Variants in GALNT18 observed in about 807,000 individuals in gnomAD.
GALNT18 encodes the protein polypeptide N-acetylgalactosaminyltransferase 18.
In GALNT18, 44 loss-of-function variants were observed where a neutral mutation model predicts 69.5. The ratio of observed to expected loss-of-function variants is 0.63; its 90% CI spans 0.50 to 0.81. GALNT18 has a LOEUF of 0.81. Ranked by LOEUF, GALNT18 falls within the 40% of genes least tolerant of loss-of-function variation. GALNT18 has a pLI of 0.00. For synonymous variants in GALNT18, 364 were observed against 318.2 expected (o/e 1.14, Z -1.53); for missense variants, 715 against 810.0 (o/e 0.88, Z 1.42).
At chr11:11,593,008 C>G (rs943752026) in intron 1 of GALNT18, among the ~76,000 whole-genome samples, 3 of 152,138 alleles carry the variant, frequency 2.0e-5, no homozygotes, top group Non-Finnish European at 4.4e-5. Flanking sequence ...CTGCGCCTCT[C>G]GGGTTCACGC....
At chr11:11,578,393 C>T (rs1046469789) in intron 1 of GALNT18, among the ~76,000 whole-genome samples, 1 of 150,326 alleles carries the variant, frequency 6.7e-6, no homozygotes, top group Non-Finnish European at 1.5e-5. Context: ...TTTAACTGGT[C>T]CCCAAAACAC....
At chr11:11,575,922 T>C (rs1368199645) in intron 1 of GALNT18, among the ~76,000 whole-genome samples, 3 of 152,128 alleles carry the variant, frequency 2.0e-5, no homozygotes, top group East Asian at 1.9e-4. Context: ...AATAACCATA[T>C]ATATGGAAGA....
chr11:11,297,748 G>C (rs551472446), intron 9 of GALNT18, among the ~76,000 whole-genome samples: 1 of 152,118 alleles, frequency 6.6e-6, no homozygotes, highest in South Asian at 2.1e-4. Context: ...ACAAACCCCC[G>C]GGGCAGAGAA....
At chr11:11,271,413 A>G in intron 10 of GALNT18, 123 bp from the exon 11 acceptor site, 1 of 983,322 alleles carries the variant, frequency 1.0e-6, no homozygotes, top group Non-Finnish European at 1.5e-6. Flanking sequence ...CCAGGAGGTC[A>G]GCATTCCCAT....
intron 1 of GALNT18, among the ~76,000 whole-genome samples, chr11:11,575,846 A>C (rs1329868423): frequency 6.6e-6 from 1 of 152,214 alleles, no homozygotes; most frequent in Non-Finnish European, 1.5e-5. Context: ...TTCTAGACAA[A>C]ACAAATTATC....
In GALNT18 at chr11:11,592,666, A is replaced by G. The variant is rs1221024479; in HGVS notation, c.235+28693T>C. Among the ~76,000 whole-genome samples, 2 of 152,152 alleles carry G rather than the reference A, an allele frequency of 1.3e-5. No individual in the cohort carries two copies. Among genetic ancestry groups the G allele is most frequent in the African/African-American group, 4.8e-5 (2 of 41,442 alleles). On this transcript the variant is annotated intron_variant, in intron 1 of 10. Transcript: ENST00000227756. This position sits in a 1 kb window ranked among gnomAD's most constrained non-coding sequence, Gnocchi z 5.9. ...CAGTGGGAACATCCTTCATGTAAAAATCCCACCACTCCCCAAAGCACATTT... is the reference window on the plus strand; with the variant it reads ...CAGTGGGAACATCCTTCATGTAAAAGTCCCACCACTCCCCAAAGCACATTT...
chr11:11,517,568 C>A (rs941837407), intron 1 of GALNT18, among the ~76,000 whole-genome samples: 1 of 152,204 alleles, frequency 6.6e-6, no homozygotes, highest in African/African-American at 2.4e-5. Flanking sequence ...GAGACCCTCA[C>A]ATTTAGCCCT....
In GALNT18 at chr11:11,415,330, G is replaced by A. The variant is rs1020432155; in HGVS notation, c.595+17291C>T. ...AATATACACCACTTCCCAGGAATCA[G>A]GGCTGGGAAGGGTGGGGGATGACTT... On this transcript the variant is annotated intron_variant, in intron 3 of 10. Coordinates refer to ENST00000227756, the MANE Select transcript of GALNT18 (RefSeq NM_198516.3). This position sits in a 1 kb window ranked among gnomAD's most constrained non-coding sequence, Gnocchi z 4.1. Among the ~76,000 whole-genome samples, 3 of 152,118 alleles carry A rather than the reference G, an allele frequency of 2.0e-5. No homozygotes were observed. The highest frequency in any genetic ancestry group is 4.4e-5 in the Non-Finnish European group (3 of 68,026).
intron 9 of GALNT18, among the ~76,000 whole-genome samples, chr11:11,300,405 G>A (rs1278405143): frequency 6.6e-6 from 1 of 152,196 alleles, no homozygotes; most frequent in Non-Finnish European, 1.5e-5. Flanking sequence ...CCCATCATAA[G>A]GGAGAAAACA....
Position 11,605,071 on chromosome 11 carries a change from A to AT in GALNT18, c.235+16287dup, listed in dbSNP as rs1284562049. 2.0e-5 allele frequency among the ~76,000 whole-genome samples: 3 copies of AT among 152,206 alleles called. No individual in the cohort carries two copies. In the East Asian group the frequency reaches 5.8e-4, roughly 29 times the overall value. On this transcript the variant is annotated intron_variant, in intron 1 of 10. Coordinates refer to ENST00000227756, the MANE Select transcript of GALNT18 (RefSeq NM_198516.3). This position sits in a 1 kb window ranked among gnomAD's most constrained non-coding sequence, Gnocchi z 4.7. ...CTCAAATTGAAAATATCAGAGAATAATAGGAAAAGAAAAATCATAGTTGTC... is the reference window on the plus strand; with the variant it reads ...CTCAAATTGAAAATATCAGAGAATAATTAGGAAAAGAAAAATCATAGTTGTC...
chr11:11,306,051 G>A (rs991368297), intron 9 of GALNT18, among the ~76,000 whole-genome samples: 1 of 152,144 alleles, frequency 6.6e-6, no homozygotes, highest in Non-Finnish European at 1.5e-5. Flanking sequence ...TGGATAGAAT[G>A]GGGTCTCTCC....
At chr11:11,537,362 A>AG (rs1283854584) in intron 1 of GALNT18, among the ~76,000 whole-genome samples, 1 of 31,094 alleles carries the variant, frequency 3.2e-5, no homozygotes, top group Non-Finnish European at 6.2e-5. Flanking sequence ...TACACAAGTC[A>AG]GGGAAAAAAA....
At chr11:11,405,856 T>C (rs1387702824) in intron 3 of GALNT18, among the ~76,000 whole-genome samples, 1 of 152,232 alleles carries the variant, frequency 6.6e-6, no homozygotes. Flanking sequence ...GATCCTTCCA[T>C]GCTATGCCTA....
intron 1 of GALNT18, among the ~76,000 whole-genome samples, chr11:11,468,196 A>C (rs542289250): frequency 6.2e-4 from 94 of 152,368 alleles, no homozygotes; most frequent in Admixed American, 1.2e-3. Context: ...TCTGTCCCAC[A>C]GCCTTTGGAA....
At position 11,340,783 on chromosome 11, in the gene GALNT18, A is replaced by C. The variant is rs754806772; in HGVS notation, c.1278+36T>G. On this transcript the variant is annotated intron_variant, in intron 7 of 10. Transcript: ENST00000227756. The surrounding 1 kb of genome is among the most constrained non-coding windows in gnomAD (Gnocchi z 4.2). Reference sequence around the variant, plus strand: ...ATCTTGTTTTGTTTGTTTTCCACCAATCCCCGAGAAACTCATCCCTACCGG... The same window carrying C: ...ATCTTGTTTTGTTTGTTTTCCACCACTCCCCGAGAAACTCATCCCTACCGG... 1.3e-6 allele frequency: 2 copies of C among 1,560,264 alleles called. No homozygotes were observed. Among genetic ancestry groups the C allele is most frequent in the East Asian group, 4.6e-5 (2 of 43,716 alleles).
rs562870668 is a variant in GALNT18, at chr11:11,383,329, C to T, written c.596-4065G>A. Reference sequence around the variant, plus strand: ...TATAAGAAGTTGTTGGCTCCACAACCACTAGCAGGCTGAGCCGGAAGGGTC... The same window carrying T: ...TATAAGAAGTTGTTGGCTCCACAACTACTAGCAGGCTGAGCCGGAAGGGTC... On this transcript the variant is annotated intron_variant, in intron 3 of 10. Coordinates refer to ENST00000227756, the MANE Select transcript of GALNT18 (RefSeq NM_198516.3). The surrounding 1 kb of genome is among the most constrained non-coding windows in gnomAD (Gnocchi z 5.2). 2.6e-5 allele frequency among the ~76,000 whole-genome samples: 4 copies of T among 152,346 alleles called. No homozygotes were observed. The highest frequency in any genetic ancestry group is 4.4e-5 in the Non-Finnish European group (3 of 68,036).
chr11:11,540,520 G>A lies in GALNT18; in HGVS notation c.235+80839C>T, dbSNP rs1857891379. Among the ~76,000 whole-genome samples, 1 of 152,106 alleles carries A rather than the reference G, an allele frequency of 6.6e-6. No homozygotes were observed. The highest frequency in any genetic ancestry group is 2.4e-5 in the African/African-American group (1 of 41,402). ...TTTCATTAGAAACTTTGGAATCACG[G>A]CAATCATATAAGTAATACTGAGGCT... On this transcript the variant is annotated intron_variant, in intron 1 of 10. Transcript: ENST00000227756. The surrounding 1 kb of genome is among the most constrained non-coding windows in gnomAD (Gnocchi z 4.6).
chr11:11,278,278 C>T (rs992056186), intron 10 of GALNT18, among the ~76,000 whole-genome samples: 1 of 149,022 alleles, frequency 6.7e-6, no homozygotes, highest in Non-Finnish European at 1.5e-5. Context: ...CAAGGATATC[C>T]AGGACTTGAA....
At chr11:11,464,479 A>T (rs1000580965) in intron 1 of GALNT18, among the ~76,000 whole-genome samples, 2 of 152,214 alleles carry the variant, frequency 1.3e-5, no homozygotes, top group African/African-American at 4.8e-5. Flanking sequence ...GGAAGGAGGC[A>T]TGGGCCCAGA....
Sources: gnomAD v4.1 joint callset for allele counts (sites outside exome capture counted in the v4.1 genomes callset) on GRCh38, gnomAD v4.1.1 for gene constraint, Gnocchi (gnomAD v3.1) non-coding constraint, MANE v1.5 for transcripts, NCBI Gene and HGNC (gene_info 2026-07-23, HGNC 2026-07-21) for gene names.